The following SESN2 variants were observed in gnomAD, a reference collection of about 807,000 sequenced individuals.
SESN2 encodes sestrin 2.
Under a neutral mutation model 56.0 loss-of-function variants are expected in SESN2, and 42 were observed. That is an observed-to-expected ratio of 0.75 (90% CI 0.59 to 0.97). The LOEUF (loss-of-function observed/expected upper bound fraction) is 0.97, where lower values mean the gene tolerates loss of function less well. Among genes scored for constraint, SESN2 ranks in the 50% least tolerant of loss-of-function variants. The probability of loss-of-function intolerance (pLI) is 0.00; values close to 1 mark genes in which losing one functional copy is unlikely to be tolerated. For synonymous variants in SESN2, 264 were observed against 267.1 expected, an observed-to-expected ratio of 0.99 and a Z score of 0.11; for missense variants, 507 against 649.4, an observed-to-expected ratio of 0.78 and a Z score of 2.38.
intron 1 of SESN2, among the ~76,000 whole-genome samples, chr1:28,261,660 C>T (rs1332768386): frequency 6.6e-6 from 1 of 152,192 alleles, no homozygotes; most frequent in Admixed American, 6.5e-5. Flanking sequence ...ACTGTACACC[C>T]CTCTCTGGGT....
intron 8 of SESN2, among the ~76,000 whole-genome samples, chr1:28,275,459 T>A (rs1648000888): frequency 6.6e-6 from 1 of 152,102 alleles, no homozygotes; most frequent in Admixed American, 6.6e-5. Flanking sequence ...ATGCAGCTGT[T>A]AAAAATTACA....
intron 8 of SESN2, 60 bp downstream of exon 8, chr1:28,275,075 A>G: frequency 8.1e-7 from 1 of 1,234,414 alleles, no homozygotes; most frequent in South Asian, 1.8e-5. Flanking sequence ...CTCTGGGTTC[A>G]CAGTTGTTTC....
chr1:28,273,766 A>G (rs1448046938), intron 6 of SESN2, among the ~76,000 whole-genome samples: 3 of 152,118 alleles, frequency 2.0e-5, no homozygotes, highest in Non-Finnish European at 2.9e-5. Flanking sequence ...AGTAGAAGCA[A>G]AGATCTTAGC....
At chr1:28,268,694 GAGAA>G (rs1274390355) in intron 1 of SESN2, among the ~76,000 whole-genome samples, 1 of 151,394 alleles carries the variant, frequency 6.6e-6, no homozygotes, top group Non-Finnish European at 1.5e-5. Context: ...AAGAAGGAAG[GAGAA>G]GGAAGGAAGG....
At chr1:28,275,679 G>C (rs1243997526) in intron 8 of SESN2, among the ~76,000 whole-genome samples, 1 of 151,990 alleles carries the variant, frequency 6.6e-6, no homozygotes, top group East Asian at 1.9e-4. Flanking sequence ...TTGAACCGGG[G>C]AGGCGGAGGC....
chr1:28,281,619 C>G lies in SESN2; in HGVS notation c.*817C>G, dbSNP rs1210048562. 1 of 152,206 alleles carries G rather than the reference C, an allele frequency of 6.6e-6. No homozygotes were observed. Among genetic ancestry groups the G allele is most frequent in the African/African-American group, 2.4e-5 (1 of 41,428 alleles). The allele number at this position is 152,206 out of a possible 1,614,324, so 9.4% of individuals were successfully genotyped here. A position where few individuals can be genotyped will look rare whatever the true frequency, so the allele number is the denominator to read the frequency against. On this transcript the variant is annotated 3_prime_UTR_variant, in exon 10 of 10. Transcript: ENST00000253063. ...TGAGAGGAGGAGGAGAGGGAGAATTCTGTTCTCCCAGAGCTGCACCTGCCT... is the reference window on the plus strand; with the variant it reads ...TGAGAGGAGGAGGAGAGGGAGAATTGTGTTCTCCCAGAGCTGCACCTGCCT...
chr1:28,267,492 T>C (rs547627758), intron 1 of SESN2, among the ~76,000 whole-genome samples: 1 of 152,192 alleles, frequency 6.6e-6, no homozygotes, highest in Non-Finnish European at 1.5e-5. Context: ...GAAGGTTCAA[T>C]TATAGTTTTT....
At chr1:28,267,292 C>G (rs1647591539) in intron 1 of SESN2, among the ~76,000 whole-genome samples, 1 of 152,162 alleles carries the variant, frequency 6.6e-6, no homozygotes, top group Non-Finnish European at 1.5e-5. Context: ...ACGGTCAGCT[C>G]AACTCCCTTT....
At position 28,279,168 on chromosome 1, in the gene SESN2, T is replaced by C; in HGVS notation, c.1283T>C (p.Val428Ala). ...AACCTCAAGGTCTATATCAAGACAG[T>C]GGCCTGCTACCCAGAGAAGACCACC... Reference protein sequence around the residue: ...ERNLKVYIKTVACYPEKTTRR... With the variant: ...ERNLKVYIKTAACYPEKTTRR... The change falls in exon 9 of 10, where the codon GTG becomes GCG. Residue 428 changes from valine to alanine, a missense_variant. By Grantham distance (64) the Val-to-Ala change is moderately conservative. Transcript: ENST00000253063. 1 of 1,614,162 alleles carries C rather than the reference T, an allele frequency of 6.2e-7. No individual in the cohort carries two copies. The highest frequency in any genetic ancestry group is 8.5e-7 in the Non-Finnish European group (1 of 1,180,014).
intron 8 of SESN2, among the ~76,000 whole-genome samples, chr1:28,275,228 GTT>G (rs1647989923): frequency 2.0e-5 from 3 of 151,542 alleles, no homozygotes; most frequent in Admixed American, 2.0e-4. Context: ...GATAATTATT[GTT>G]TGATATTTAT....
chr1:28,269,428 T>C (rs1647677788), intron 2 of SESN2, among the ~76,000 whole-genome samples, 180 bp downstream of exon 2: 1 of 152,118 alleles, frequency 6.6e-6, no homozygotes, highest in African/African-American at 2.4e-5. Flanking sequence ...TCCATTTTAC[T>C]GGGAAGAAAC....
Position 28,262,121 on chromosome 1 carries a change from G to GGAC in SESN2, c.90+2185_90+2187dup, listed in dbSNP as rs925003294. On this transcript the variant is annotated intron_variant, in intron 1 of 9. Coordinates refer to ENST00000253063, the MANE Select transcript of SESN2 (RefSeq NM_031459.5). The stretch of plus-strand genomic sequence containing the variant: ...TGTGTATTCCTCTCTCGAGAAAAGA[G>GGAC]GACCTTCGGACGGTTTCTGCTTTGA... Among the ~76,000 whole-genome samples the GGAC allele has an allele frequency of 2.6e-5, 4 of 152,084 alleles. 1 individual carries two copies. Among genetic ancestry groups the GGAC allele is most frequent in the African/African-American group, 9.7e-5 (4 of 41,414 alleles).
At position 28,272,655 on chromosome 1, in the gene SESN2, C is replaced by G; in HGVS notation, c.612C>G (p.Cys204Trp). ...AGGCTCTGGTCCTGCTCACCCACTG[C>G]CACTCGCTCTCCTCCTTCGTGTTTG... ...LIQALVLLTH[C>W]HSLSSFVFGC... The change falls in exon 5 of 10, where the codon TGC becomes TGG. Residue 204 changes from cysteine to tryptophan, a missense_variant. By Grantham distance (215) the Cys-to-Trp change is radical. Coordinates refer to ENST00000253063, the MANE Select transcript of SESN2 (RefSeq NM_031459.5). The G allele has an allele frequency of 6.2e-7, 1 of 1,614,156 alleles. No individual in the cohort carries two copies. Among genetic ancestry groups the G allele is most frequent in the Non-Finnish European group, 8.5e-7 (1 of 1,180,012 alleles).
chr1:28,269,530 G>A (rs776421041), intron 2 of SESN2, among the ~76,000 whole-genome samples: 3 of 151,534 alleles, frequency 2.0e-5, no homozygotes, highest in Admixed American at 6.6e-5. Context: ...ATCAGTGCCT[G>A]CTTTCCCTTA....
chr1:28,280,957 T>G lies in SESN2; in HGVS notation c.*155T>G. ...CCCGAAGCCACACCCTCCCTTTTCC[T>G]CACTGGAATGGACAGTTCATTGCAC... is the stretch of plus-strand genomic sequence containing the variant. On this transcript the variant is annotated 3_prime_UTR_variant, in exon 10 of 10. Coordinates refer to ENST00000253063, the MANE Select transcript of SESN2 (RefSeq NM_031459.5). 1.6e-6 allele frequency: 1 copy of G among 625,020 alleles called. No individual in the cohort carries two copies. Among genetic ancestry groups the G allele is most frequent in the East Asian group, 2.8e-5 (1 of 36,116 alleles). The allele number at this position is 625,020 out of a possible 1,614,324, so 38.7% of individuals were successfully genotyped here.
At position 28,272,412 on chromosome 1, in the gene SESN2, G is replaced by A; in HGVS notation, c.483G>A (p.Glu161=). ...CCGAGAAGCTGCGCAAACTCAGCGA[G>A]ATCAACAAGTTGCTGGCGCATCGGC... ...RAPEKLRKLS[E]INKLLAHRPW... Residue 161 remains glutamate (E), a synonymous_variant, in exon 4 of 10, where the codon GAG becomes GAA. Coordinates refer to ENST00000253063, the MANE Select transcript of SESN2 (RefSeq NM_031459.5). 6.2e-7 allele frequency: 1 copy of A among 1,613,554 alleles called. No individual in the cohort carries two copies. Among genetic ancestry groups the A allele is most frequent in the Non-Finnish European group, 8.5e-7 (1 of 1,180,036 alleles).
chr1:28,271,801 G>C lies in SESN2; in HGVS notation c.284G>C (p.Arg95Pro), dbSNP rs539873722. 84 of 1,614,198 alleles carry C rather than the reference G, an allele frequency of 5.2e-5. No homozygotes were observed. Among genetic ancestry groups the C allele is most frequent in the Admixed American group, 3.8e-4 (23 of 60,024 alleles). Reference sequence around the variant, plus strand: ...CCTGACTACTTTACCAGCTTCTGGCGCCTGCACTACCTGCTGCTGCACACG... The same window carrying C: ...CCTGACTACTTTACCAGCTTCTGGCCCCTGCACTACCTGCTGCTGCACACG... ...LHPDYFTSFW[R>P]LHYLLLHTDG... Residue 95 changes from arginine to proline, a missense_variant, in exon 3 of 10, where the codon CGC becomes CCC. Arg to Pro is a moderately radical substitution (Grantham distance 103). Coordinates refer to ENST00000253063, the MANE Select transcript of SESN2 (RefSeq NM_031459.5).
In SESN2 at chr1:28,272,448, C is replaced by T. The variant is rs1404295050; in HGVS notation, c.519C>T (p.Ile173=). ...NKLLAHRPWL[I]TKEHIQALLK... ...TGCTGGCGCATCGGCCATGGCTCAT[C>T]ACCAAGGAACACATCCAGGTGCAGG... The change falls in exon 4 of 10, where the codon ATC becomes ATT. Residue 173 remains isoleucine, a synonymous_variant. Transcript: ENST00000253063. The T allele has an allele frequency of 6.2e-7, 1 of 1,613,146 alleles. No homozygotes were observed. The highest frequency in any genetic ancestry group is 1.7e-5 in the Admixed American group (1 of 60,018).
Position 28,280,849 on chromosome 1 carries a change from T to A in SESN2, c.*47T>A. ...CGGTTCAGCTCCCCACAAGGACTTCTCTGTCTGGAGACAGCCCCAGACCCT... is the reference window on the plus strand; with the variant it reads ...CGGTTCAGCTCCCCACAAGGACTTCACTGTCTGGAGACAGCCCCAGACCCT... On this transcript the variant is annotated 3_prime_UTR_variant, in exon 10 of 10. Coordinates refer to ENST00000253063, the MANE Select transcript of SESN2 (RefSeq NM_031459.5). The A allele has an allele frequency of 1.4e-6, 2 of 1,464,098 alleles. No individual in the cohort carries two copies. The highest frequency in any genetic ancestry group is 1.9e-6 in the Non-Finnish European group (2 of 1,046,884). 90.7% of individuals were successfully genotyped at this position (1,464,098 alleles called of 1,614,324 possible). A position where few individuals can be genotyped will look rare whatever the true frequency, so the allele number is the denominator to read the frequency against.
Sources: allele counts gnomAD v4.1 joint callset (sites outside exome capture counted in the v4.1 genomes callset), GRCh38; gene constraint gnomAD v4.1.1; transcripts MANE v1.5; gene names NCBI Gene and HGNC (gene_info 2026-07-23, HGNC 2026-07-21).